Variants in CEP112 observed in about 807,000 individuals in gnomAD.
The protein encoded by CEP112 is centrosomal protein 112.
In CEP112, 127 loss-of-function variants were observed where a neutral mutation model predicts 153.0. That is an observed-to-expected ratio of 0.83 (90% CI 0.72 to 0.96). The LOEUF (loss-of-function observed/expected upper bound fraction) is 0.96. CEP112 is among the 40% of genes least tolerant of loss of function. The pLI is 0.00. For synonymous variants in CEP112, 358 were observed against 374.4 expected (o/e 0.96, Z 0.51); for missense variants, 1,089 against 1,101.2 (o/e 0.99, Z 0.16).
intron 20 of CEP112, among the ~76,000 whole-genome samples, chr17:65,874,655 C>T (rs1258914227): frequency 6.6e-6 from 1 of 152,002 alleles, no homozygotes; most frequent in South Asian, 2.1e-4. Flanking sequence ...ACAGGATGTT[C>T]AAGATTTATT....
intron 23 of CEP112, among the ~76,000 whole-genome samples, chr17:65,732,371 C>G (rs1451572431): frequency 1.3e-5 from 2 of 152,178 alleles, no homozygotes; most frequent in Admixed American, 1.3e-4. Flanking sequence ...TGCAGTGCAG[C>G]CTTTCTTGTT....
At chr17:65,872,808 A>C (rs925162094) in intron 20 of CEP112, 1 of 152,210 alleles carries the variant, frequency 6.6e-6, no homozygotes, top group Non-Finnish European at 1.5e-5. Flanking sequence ...TTGATAACAA[A>C]ATCTTCTACC....
chr17:66,099,504 C>CAAAAAAAAAAAAA (rs71160532), intron 6 of CEP112, among the ~76,000 whole-genome samples: 2 of 113,934 alleles, frequency 1.8e-5, no homozygotes, highest in East Asian at 3.3e-4. Context: ...AACTCTGTCT[C>CAAAAAAAAAAAAA]AAAAAAAAAA....
At chr17:66,040,478 C>A (rs11867857) in intron 12 of CEP112, among the ~76,000 whole-genome samples, 3,951 of 137,648 alleles carry the variant, frequency 0.029, 85 homozygotes, top group Non-Finnish European at 0.041. Context: ...TTCTGAATTG[C>A]CTTTTCCCTT....
chr17:65,995,212 G>A (rs963841464), intron 17 of CEP112, among the ~76,000 whole-genome samples: 4 of 151,840 alleles, frequency 2.6e-5, no homozygotes, highest in South Asian at 2.1e-4. Flanking sequence ...CATTCCTCTC[G>A]GAATTCTAAC....
At chr17:65,657,676 A>G (rs1330452611) in intron 24 of CEP112, among the ~76,000 whole-genome samples, 1 of 152,188 alleles carries the variant, frequency 6.6e-6, no homozygotes, top group Non-Finnish European at 1.5e-5. Context: ...TTCATCAACA[A>G]AGGACCAAAA....
intron 8 of CEP112, among the ~76,000 whole-genome samples, chr17:66,086,380 CTTTTTTTTTTTTTTTTTTTTTTTTT>C (rs71160531): frequency 1.5e-5 from 1 of 67,026 alleles, no homozygotes; most frequent in Non-Finnish European, 2.5e-5. Context: ...ATTTTCTTTT[CTTTTTTTTTTTTTTTTTTTTTTTTT>C]TTTTTTTTTT....
chr17:65,864,084 T>C (rs2146422763), intron 20 of CEP112, among the ~76,000 whole-genome samples: 1 of 147,790 alleles, frequency 6.8e-6, no homozygotes, highest in Middle Eastern at 3.8e-3. Flanking sequence ...GAGGTTGCAG[T>C]GAGCCAAGAT....
At chr17:65,974,727 T>G (rs1052462034) in intron 17 of CEP112, among the ~76,000 whole-genome samples, 49 of 152,280 alleles carry the variant, frequency 3.2e-4, no homozygotes, top group African/African-American at 1.1e-3. Flanking sequence ...TATCCATGCC[T>G]TTCGTGTAAG....
intron 17 of CEP112, among the ~76,000 whole-genome samples, chr17:65,967,713 A>C (rs533100284): frequency 6.6e-6 from 1 of 152,170 alleles, no homozygotes; most frequent in African/African-American, 2.4e-5. Flanking sequence ...ATATAAGTAA[A>C]ATTAATGAAA....
At chr17:65,792,852 T>C (rs1400316000) in intron 21 of CEP112, among the ~76,000 whole-genome samples, 1 of 152,210 alleles carries the variant, frequency 6.6e-6, no homozygotes, top group African/African-American at 2.4e-5. Flanking sequence ...TTAAAAAAAA[T>C]ATTTCATGGA....
At chr17:66,055,447 A>G (rs2066640602) in intron 11 of CEP112, among the ~76,000 whole-genome samples, 1 of 152,212 alleles carries the variant, frequency 6.6e-6, no homozygotes, top group Non-Finnish European at 1.5e-5. Flanking sequence ...TGAGTCACAT[A>G]GCTGGTACAA....
chr17:66,101,347 A>G (rs1462835260), intron 6 of CEP112, among the ~76,000 whole-genome samples: 1 of 152,092 alleles, frequency 6.6e-6, no homozygotes. Flanking sequence ...AACCATTTGA[A>G]ACATGCAAGA....
chr17:65,868,601 G>C (rs2058556526), intron 20 of CEP112, among the ~76,000 whole-genome samples: 1 of 151,662 alleles, frequency 6.6e-6, no homozygotes, highest in Admixed American at 6.6e-5. Flanking sequence ...GATTTCAAAG[G>C]ACAGCATACA....
chr17:65,678,699 G>C (rs1331717562), intron 24 of CEP112, among the ~76,000 whole-genome samples: 1 of 152,180 alleles, frequency 6.6e-6, no homozygotes, highest in Non-Finnish European at 1.5e-5. Flanking sequence ...GGGACGAAGA[G>C]CCACTTCAAC....
chr17:65,797,840 C>G (rs1598614142), intron 21 of CEP112, among the ~76,000 whole-genome samples: 1 of 152,162 alleles, frequency 6.6e-6, no homozygotes, highest in Non-Finnish European at 1.5e-5. Flanking sequence ...TCTTCTTTTG[C>G]CTGACAATCA....
chr17:65,696,737 A>C (rs2051853), intron 23 of CEP112, among the ~76,000 whole-genome samples: 2,096 of 152,240 alleles, frequency 0.014, 36 homozygotes, highest in African/African-American at 0.048. Flanking sequence ...TGATGGGTAG[A>C]TGGCGGATCT....
intron 8 of CEP112, among the ~76,000 whole-genome samples, chr17:66,075,370 A>G (rs1466337562): frequency 1.3e-5 from 2 of 152,180 alleles, no homozygotes; most frequent in Non-Finnish European, 2.9e-5. Context: ...CTAAAAATTG[A>G]CTTTGATATG....
chr17:65,916,287 G>GTGTGTGTGTGTATGTA (rs138734881), intron 19 of CEP112, among the ~76,000 whole-genome samples: 349 of 147,570 alleles, frequency 2.4e-3, no homozygotes, highest in Middle Eastern at 6.9e-3. Context: ...GTGTGTGTGT[G>GTGTGTGTGTGTATGTA]TGTGTATGTG....
Sources: allele counts gnomAD v4.1 joint callset (sites outside exome capture counted in the v4.1 genomes callset), GRCh38; gene constraint gnomAD v4.1.1; transcripts MANE v1.5; gene names NCBI Gene and HGNC (gene_info 2026-07-23, HGNC 2026-07-21).